FMNL1: variants seen among roughly 807,000 people sequenced by gnomAD.
FMNL1 encodes the protein formin like 1, also known as formin-like protein 1.
FMNL1 carries 43 observed loss-of-function variants against 121.3 expected under a neutral mutation model. The ratio of observed to expected loss-of-function variants is 0.35; its 90% confidence interval spans 0.28 to 0.46. The LOEUF (loss-of-function observed/expected upper bound fraction) is 0.46. Among genes scored for constraint, FMNL1 ranks in the 20% least tolerant of loss-of-function variants. The pLI is 1.00. For synonymous variants in FMNL1, 613 were observed against 613.5 expected, an observed-to-expected ratio of 1.00 and a Z score of 0.01; for missense variants, 1,191 against 1,482.4, an observed-to-expected ratio of 0.80 and a Z score of 3.23.
chr17:45,222,563 G>C (rs1484451931), intron 1 of FMNL1, among the ~76,000 whole-genome samples: 1 of 152,016 alleles, frequency 6.6e-6, no homozygotes, highest in African/African-American at 2.4e-5. Context: ...CAGGGGTCCC[G>C]GGTCGCCCCC....
At chr17:45,229,318 G>A (rs57344356) in intron 1 of FMNL1, among the ~76,000 whole-genome samples, 16,728 of 152,286 alleles carry the variant, frequency 0.11, 1,055 homozygotes, top group East Asian at 0.16. Context: ...CTGACCCAAG[G>A]CAGTGATTTT....
At position 45,239,804 on chromosome 17, in the gene FMNL1, C is replaced by CTTTTTTTTTTT. The variant is rs113701881; in HGVS notation, c.1081-663_1081-662insTTTTTTTTTTT. ...CAAAAGGTCACGTACTCTATGATTG[C>CTTTTTTTTTTT]TTTTTTTTTGAGATGGAGTCTTGCT... On this transcript the variant is annotated intron_variant, in intron 11 of 26. Coordinates refer to ENST00000331495, the MANE Select transcript of FMNL1 (RefSeq NM_005892.4). Among the ~76,000 whole-genome samples, 19 of 146,892 alleles carry CTTTTTTTTTTT rather than the reference C, an allele frequency of 1.3e-4. 1 individual carries two copies. Among genetic ancestry groups the CTTTTTTTTTTT allele is most frequent in the Non-Finnish European group, 1.2e-4 (8 of 67,142 alleles).
At chr17:45,232,540 C>A (rs2043460941) in intron 3 of FMNL1, 60 bp downstream of exon 3, 2 of 1,493,746 alleles carry the variant, frequency 1.3e-6, no homozygotes, top group African/African-American at 1.4e-5. Flanking sequence ...CTCTGGGCAG[C>A]TGGAGTAACT....
chr17:45,240,871 T>G, intron 12 of FMNL1: 1 of 709,600 alleles, frequency 1.4e-6, no homozygotes, highest in South Asian at 1.9e-5. Flanking sequence ...AGACCCCAGG[T>G]GAACTGAAAT....
At position 45,230,590 on chromosome 17, in the gene FMNL1, C is replaced by T. The variant is rs2043418088; in HGVS notation, c.130-14C>T. On this transcript the variant is annotated splice_polypyrimidine_tract_variant and intron_variant, in intron 1 of 26. Coordinates refer to ENST00000331495, the MANE Select transcript of FMNL1 (RefSeq NM_005892.4). ...GGCCCCAGGCTCAGGGGTCTTTGTCCTCCCTGTCCCCAGAACTGCATGAAC... is the reference window on the plus strand; with the variant it reads ...GGCCCCAGGCTCAGGGGTCTTTGTCTTCCCTGTCCCCAGAACTGCATGAAC... 8 of 1,613,226 alleles carry T rather than the reference C, an allele frequency of 5.0e-6. No individual in the cohort carries two copies. The East Asian group carries it at 8.9e-5, about 18-fold the overall frequency.
chr17:45,240,719 C>G, intron 12 of FMNL1, 94 bp downstream of exon 12: 1 of 1,482,144 alleles, frequency 6.7e-7, no homozygotes, highest in Non-Finnish European at 9.0e-7. Context: ...GGGCAGCAGA[C>G]AGTGTTATAA....
Position 45,243,123 on chromosome 17 carries a change from A to G in FMNL1, c.2016A>G (p.Leu672=). The G allele has an allele frequency of 6.2e-7, 1 of 1,614,190 alleles. No homozygotes were observed. The highest frequency in any genetic ancestry group is 1.1e-5 in the South Asian group (1 of 91,086). ...TCCTCACCCTGTACCTTCAGGAGCT[A>G]GACATGAGTGATTTTGAGGAACAGT... ...ELNDEKVLQE[L]DMSDFEEQFK... Residue 672 remains leucine (L), a synonymous_variant, in exon 17 of 27, where the codon CTA becomes CTG. Coordinates refer to ENST00000331495, the MANE Select transcript of FMNL1 (RefSeq NM_005892.4).
chr17:45,241,326 G>A lies in FMNL1; in HGVS notation c.1333-56G>A. The A allele has an allele frequency of 6.3e-7, 1 of 1,595,188 alleles. No homozygotes were observed. The highest frequency in any genetic ancestry group is 8.5e-7 in the Non-Finnish European group (1 of 1,170,744). On this transcript the variant is annotated intron_variant, in intron 13 of 26. Coordinates refer to ENST00000331495, the MANE Select transcript of FMNL1 (RefSeq NM_005892.4). The surrounding 1 kb of genome is among the most constrained non-coding windows in gnomAD (Gnocchi z 7.0). ...CCCTCCACCCCGGGAAGAAGATGGA[G>A]GCTTGGTGCCAAGGAGCCTGCTGGT...
chr17:45,245,540 G>T (rs1440306785), intron 22 of FMNL1, 92 bp from the exon 23 acceptor site: 2 of 1,600,348 alleles, frequency 1.2e-6, no homozygotes, highest in East Asian at 4.5e-5. Context: ...GGGCCACCCT[G>T]CCTGGGAGGA....
chr17:45,225,491 G>T (rs943765752), intron 1 of FMNL1, among the ~76,000 whole-genome samples: 8 of 152,226 alleles, frequency 5.3e-5, no homozygotes, highest in African/African-American at 1.9e-4. Context: ...GGGCTGGGCA[G>T]AGGGGAGGGG....
intron 1 of FMNL1, among the ~76,000 whole-genome samples, chr17:45,223,710 T>C (rs367777878): frequency 6.6e-6 from 1 of 152,046 alleles, no homozygotes; most frequent in Non-Finnish European, 1.5e-5. Flanking sequence ...AGAGCCTGCA[T>C]TGGTGGTGGG....
Position 45,246,320 on chromosome 17 carries a change from C to T in FMNL1, c.3201C>T (p.Asp1067=). ...YESDRDGAIE[D]IITVIKTVPF... ...GCGACCGTGATGGGGCCATTGAAGACATCATCACAGGTAAGGGCTTGGCCA... is the reference window on the plus strand; with the variant it reads ...GCGACCGTGATGGGGCCATTGAAGATATCATCACAGGTAAGGGCTTGGCCA... The change falls in exon 25 of 27, where the codon GAC becomes GAT. Residue 1067 remains aspartate (D), a synonymous_variant. Coordinates refer to ENST00000331495, the MANE Select transcript of FMNL1 (RefSeq NM_005892.4). The T allele has an allele frequency of 1.9e-6, 3 of 1,614,080 alleles. No homozygotes were observed. Among genetic ancestry groups the T allele is most frequent in the Non-Finnish European group, 2.5e-6 (3 of 1,180,004 alleles).
Position 45,241,867 on chromosome 17 carries a change from C to A in FMNL1, c.1606C>A (p.Pro536Thr). 1 of 1,436,908 alleles carries A rather than the reference C, an allele frequency of 7.0e-7. No homozygotes were observed. The highest frequency in any genetic ancestry group is 1.4e-5 in the South Asian group (1 of 70,746). The allele number at this position is 1,436,908 out of a possible 1,614,324, so 89.0% of individuals were successfully genotyped here. ...CTCAGATCTCGCACCTGCAGCAGAG[C>A]CGGCTCCCGGAGCAGCGCCACCGCC... The part of the protein sequence containing the change: ...PSPDLAPAAE[P>T]APGAAPPPPP... Residue 536 changes from proline (P) to threonine (T), a missense_variant, in exon 15 of 27, where the codon CCG (proline) becomes ACG (threonine). By Grantham distance (38) the Pro-to-Thr change is conservative. This residue lies in a region of FMNL1 where 519 missense variants were observed against 492.8 expected (regional missense o/e 1.05). Coordinates refer to ENST00000331495, the MANE Select transcript of FMNL1 (RefSeq NM_005892.4). This position sits in a 1 kb window ranked among gnomAD's most constrained non-coding sequence, Gnocchi z 7.0.
chr17:45,243,049 C>T, intron 16 of FMNL1, 69 bp from the exon 17 acceptor site: 4 of 1,553,736 alleles, frequency 2.6e-6, no homozygotes, highest in Non-Finnish European at 3.5e-6. Flanking sequence ...GGCTCTAGCA[C>T]TGTGCTCAGC....
chr17:45,237,475 C>T lies in FMNL1; in HGVS notation c.801-71C>T. The stretch of plus-strand genomic sequence containing the variant: ...TCTGCACCCACTATGCTCCTCCTAG[C>T]CAGGCCTGTGCCCACCCTTGCCGCG... On this transcript the variant is annotated intron_variant, in intron 8 of 26. Coordinates refer to ENST00000331495, the MANE Select transcript of FMNL1 (RefSeq NM_005892.4). The surrounding 1 kb of genome is among the most constrained non-coding windows in gnomAD (Gnocchi z 4.4). 1 of 1,608,054 alleles carries T rather than the reference C, an allele frequency of 6.2e-7. No individual in the cohort carries two copies. The highest frequency in any genetic ancestry group is 8.5e-7 in the Non-Finnish European group (1 of 1,174,758).
chr17:45,232,701 C>A (rs1171511067), intron 3 of FMNL1, among the ~76,000 whole-genome samples: 2 of 152,110 alleles, frequency 1.3e-5, no homozygotes, highest in Non-Finnish European at 2.9e-5. Context: ...TACATGGACA[C>A]ATTCTGTGTA....
At chr17:45,224,067 G>A (rs561913091) in intron 1 of FMNL1, among the ~76,000 whole-genome samples, 2 of 152,258 alleles carry the variant, frequency 1.3e-5, no homozygotes, top group African/African-American at 4.8e-5. Context: ...GAAAGTGGAG[G>A]TGCCTAGCAG....
chr17:45,241,819 C>T lies in FMNL1; in HGVS notation c.1586-28C>T. 1 of 1,411,106 alleles carries T rather than the reference C, an allele frequency of 7.1e-7. No individual in the cohort carries two copies. The highest frequency in any genetic ancestry group is 9.2e-7 in the Non-Finnish European group (1 of 1,090,462). The allele number at this position is 1,411,106 out of a possible 1,614,324, so 87.4% of individuals were successfully genotyped here. A position where few individuals can be genotyped will look rare whatever the true frequency, so the allele number is the denominator to read the frequency against. ...CAAGTCAAGGAGCTGACTCGCGCCT[C>T]CCCCACGCCGCGCCCTCGCTGGCTC... is the stretch of plus-strand genomic sequence containing the variant. On this transcript the variant is annotated intron_variant, in intron 14 of 26. Coordinates refer to ENST00000331495, the MANE Select transcript of FMNL1 (RefSeq NM_005892.4). The surrounding 1 kb of genome is among the most constrained non-coding windows in gnomAD (Gnocchi z 7.0).
intron 7 of FMNL1, 163 bp downstream of exon 7, chr17:45,236,407 T>G: frequency 5.2e-6 from 3 of 577,062 alleles, no homozygotes; most frequent in Non-Finnish European, 9.1e-6. Flanking sequence ...GGCTGATGAG[T>G]CTTGAGGGGA....
Sources: allele counts gnomAD v4.1 joint callset (sites outside exome capture counted in the v4.1 genomes callset), GRCh38; gene constraint gnomAD v4.1.1; regional missense constraint gnomAD v4.1.1; non-coding constraint Gnocchi (gnomAD v3.1); transcripts MANE v1.5; gene names NCBI Gene and HGNC (gene_info 2026-07-23, HGNC 2026-07-21).